The following MACROD2 variants were observed in gnomAD, a reference collection of about 807,000 sequenced individuals.
MACROD2 encodes the protein mono-ADP ribosylhydrolase 2, also known as ADP-ribose glycohydrolase MACROD2.
In MACROD2, 36 loss-of-function variants were observed where a neutral mutation model predicts 70.4. That is an observed-to-expected ratio of 0.51 (90% CI 0.39 to 0.68). The LOEUF is 0.68. Ranked by LOEUF, MACROD2 falls within the 30% of genes least tolerant of loss-of-function variation. The pLI is 0.00. For missense variants in MACROD2, 496 were observed against 538.4 expected (o/e 0.92, Z 0.78); for synonymous variants, 172 against 178.8 (o/e 0.96, Z 0.30).
At chr20:14,493,663 A>T in intron 4 of MACROD2, 155 bp downstream of exon 4, 2 of 586,068 alleles carry the variant, frequency 3.4e-6, no homozygotes, top group Admixed American at 5.9e-5. Flanking sequence ...TTATAATATA[A>T]ATACCTTGGT....
At chr20:15,234,901 T>C (rs183714011) in intron 6 of MACROD2, among the ~76,000 whole-genome samples, 3 of 152,224 alleles carry the variant, frequency 2.0e-5, no homozygotes, top group African/African-American at 4.8e-5. Context: ...TTTATTCTTT[T>C]TGTTTGTGAG....
At chr20:14,663,916 C>G (rs1028450671) in intron 4 of MACROD2, among the ~76,000 whole-genome samples, 2 of 152,014 alleles carry the variant, frequency 1.3e-5, no homozygotes, top group African/African-American at 4.8e-5. Context: ...CTCCTTACCA[C>G]TTTGTGTCTT....
intron 5 of MACROD2, among the ~76,000 whole-genome samples, chr20:14,843,495 C>G (rs1299416284): frequency 6.6e-6 from 1 of 151,976 alleles, no homozygotes; most frequent in Non-Finnish European, 1.5e-5. Context: ...TCTCTTCTTA[C>G]TTTTCCACTA....
At chr20:14,799,538 G>GTAA (rs1387795577) in intron 5 of MACROD2, among the ~76,000 whole-genome samples, 8 of 152,058 alleles carry the variant, frequency 5.3e-5, no homozygotes, top group African/African-American at 1.9e-4. Flanking sequence ...ATGTAATAGG[G>GTAA]TAACATAACA....
At chr20:14,056,157 C>T (rs2053628758) in intron 2 of MACROD2, among the ~76,000 whole-genome samples, 1 of 151,850 alleles carries the variant, frequency 6.6e-6, no homozygotes, top group Admixed American at 6.6e-5. Context: ...TTTGTGTTTT[C>T]CTTAAGAATT....
chr20:14,304,182 A>G (rs2082500213), intron 3 of MACROD2, among the ~76,000 whole-genome samples: 1 of 152,180 alleles, frequency 6.6e-6, no homozygotes, highest in African/African-American at 2.4e-5. Context: ...ATTGATGTCT[A>G]GATTATTTTA....
intron 5 of MACROD2, among the ~76,000 whole-genome samples, chr20:15,032,226 G>A (rs1035004218): frequency 6.6e-6 from 1 of 152,212 alleles, no homozygotes; most frequent in Admixed American, 6.5e-5. Context: ...AGGGATTCCT[G>A]GGTCCGGAGC....
intron 4 of MACROD2, among the ~76,000 whole-genome samples, chr20:14,610,716 G>A (rs1983104235): frequency 6.6e-6 from 1 of 151,754 alleles, no homozygotes; most frequent in Non-Finnish European, 1.5e-5. Context: ...ATTGTATGAG[G>A]GTTTTTTTCT....
chr20:14,986,706 T>G (rs1201339953), intron 5 of MACROD2, among the ~76,000 whole-genome samples: 1 of 152,174 alleles, frequency 6.6e-6, no homozygotes, highest in Non-Finnish European at 1.5e-5. Context: ...ATAATTTGCC[T>G]TAATAGGTAG....
At chr20:14,086,286 C>T (rs1304289655) in intron 3 of MACROD2, 14 of 277,890 alleles carry the variant, frequency 5.0e-5, no homozygotes, top group Admixed American at 4.9e-4. Context: ...TTTCCTATTT[C>T]AACATTGGGA....
At chr20:15,927,995 G>C (rs1357577457) in intron 10 of MACROD2, among the ~76,000 whole-genome samples, 1 of 152,204 alleles carries the variant, frequency 6.6e-6, no homozygotes, top group East Asian at 1.9e-4. Context: ...CACAACAACT[G>C]AATGCTGTAT....
At chr20:15,185,566 T>C (rs1458218165) in intron 5 of MACROD2, among the ~76,000 whole-genome samples, 1 of 152,218 alleles carries the variant, frequency 6.6e-6, no homozygotes, top group East Asian at 1.9e-4. Flanking sequence ...AGGAACTCTT[T>C]AAAGGAAGTC....
At chr20:15,864,433 T>C (rs2064465118) in intron 9 of MACROD2, among the ~76,000 whole-genome samples, 1 of 152,142 alleles carries the variant, frequency 6.6e-6, no homozygotes, top group African/African-American at 2.4e-5. Flanking sequence ...TTTAGACTCC[T>C]TGAGATGTTT....
intron 5 of MACROD2, among the ~76,000 whole-genome samples, chr20:14,954,505 TTATTATATAATTAA>T (rs1312560122): frequency 7.8e-5 from 11 of 140,786 alleles, no homozygotes; most frequent in African/African-American, 2.6e-4. Flanking sequence ...TATATAATTA[TTATTATATAATTAA>T]TATTATATAA....
At chr20:14,108,547 TA>T (rs1256688742) in intron 3 of MACROD2, among the ~76,000 whole-genome samples, 1 of 148,292 alleles carries the variant, frequency 6.7e-6, no homozygotes, top group Non-Finnish European at 1.5e-5. Context: ...AAGACACACA[TA>T]GACTAAAAAT....
intron 4 of MACROD2, among the ~76,000 whole-genome samples, chr20:14,641,333 G>A (rs1434360830): frequency 2.6e-5 from 4 of 152,156 alleles, no homozygotes; most frequent in Non-Finnish European, 5.9e-5. Context: ...CCACTGAAGT[G>A]TTTGAAGCTG....
At chr20:15,843,657 T>C (rs2064198755) in intron 8 of MACROD2, among the ~76,000 whole-genome samples, 1 of 152,188 alleles carries the variant, frequency 6.6e-6, no homozygotes, top group East Asian at 1.9e-4. Flanking sequence ...GAATTTTTTT[T>C]GGCATATGTG....
At chr20:16,001,405 T>A (rs73235902) in intron 15 of MACROD2, among the ~76,000 whole-genome samples, 5,913 of 152,312 alleles carry the variant, frequency 0.039, 238 homozygotes, top group African/African-American at 0.099. Context: ...ATTTGAACAA[T>A]AGCAAGGGGT....
chr20:14,265,776 C>CTTTTTTTTTTTTTTTTTTTT (rs11478087), intron 3 of MACROD2, among the ~76,000 whole-genome samples: 1 of 114,992 alleles, frequency 8.7e-6, no homozygotes, highest in African/African-American at 2.9e-5. Flanking sequence ...CCGCCTTGTC[C>CTTTTTTTTTTTTTTTTTTTT]TTTTTTTTTT....
Sources: gnomAD v4.1 joint callset for allele counts (sites outside exome capture counted in the v4.1 genomes callset) on GRCh38, gnomAD v4.1.1 for gene constraint, MANE v1.5 for transcripts, NCBI Gene and HGNC (gene_info 2026-07-23, HGNC 2026-07-21) for gene names.